The following ACBD6 variants were observed in gnomAD, a reference collection of about 807,000 sequenced individuals.
The protein encoded by ACBD6 is acyl-CoA-binding domain-containing protein 6.
A neutral mutation model predicts 37.2 loss-of-function variants in ACBD6; 28 were observed. The ratio of observed to expected loss-of-function variants is 0.75; its 90% CI spans 0.56 to 1.03. ACBD6 has a LOEUF of 1.03. Ranked by LOEUF, ACBD6 falls within the 50% of genes least tolerant of loss-of-function variation. The pLI, the probability that ACBD6 is intolerant of heterozygous loss-of-function variation, is 0.00. For missense variants in ACBD6, 340 were observed against 337.4 expected (o/e 1.01, Z -0.06); for synonymous variants, 113 against 126.8 (o/e 0.89, Z 0.73).
At chr1:180,370,191 C>T (rs1057200780) in intron 6 of ACBD6, among the ~76,000 whole-genome samples, 2 of 152,062 alleles carry the variant, frequency 1.3e-5, no homozygotes, top group Non-Finnish European at 2.9e-5. Flanking sequence ...ACAGATTAAA[C>T]AAAGGATATC....
At chr1:180,446,997 C>T (rs956695104) in intron 3 of ACBD6, among the ~76,000 whole-genome samples, 1 of 152,032 alleles carries the variant, frequency 6.6e-6, no homozygotes, top group African/African-American at 2.4e-5. Context: ...GCTGAGATAA[C>T]CCCCGACAGT....
intron 6 of ACBD6, among the ~76,000 whole-genome samples, chr1:180,335,898 A>C (rs1382602280): frequency 1.8e-4 from 27 of 147,806 alleles, no homozygotes; most frequent in Admixed American, 7.5e-4. Flanking sequence ...ACCAACAAAG[A>C]TCAAAAGAGA....
intron 7 of ACBD6, among the ~76,000 whole-genome samples, chr1:180,308,351 T>A (rs555260528): frequency 1.3e-5 from 2 of 152,354 alleles, no homozygotes; most frequent in East Asian, 1.9e-4. Context: ...TAATTTTGGA[T>A]TGTGAACAAT....
chr1:180,303,484 G>A (rs1371087301), intron 7 of ACBD6, among the ~76,000 whole-genome samples: 3 of 150,808 alleles, frequency 2.0e-5, no homozygotes, highest in Non-Finnish European at 4.4e-5. Context: ...ACACCTCTAC[G>A]CAAATAAACT....
chr1:180,277,288 T>G (rs1315714835), intron 9 of ACBD6: 2 of 152,262 alleles, frequency 1.3e-5, no homozygotes, highest in African/African-American at 4.8e-5. Flanking sequence ...CATTCATTAC[T>G]TTTAGCTTCT....
chr1:180,310,351 A>T lies in ACBD6; in HGVS notation c.694+4341T>A, dbSNP rs138690747. ...CTCTAGCCTGGGCGACAAGAGTGAA[A>T]CACTGACTCACAAACAAACAAACAA... On this transcript the variant is annotated intron_variant, in intron 7 of 7. Coordinates refer to ENST00000367595, the MANE Select transcript of ACBD6 (RefSeq NM_032360.4). Among the ~76,000 whole-genome samples, 874 of 152,264 alleles carry T rather than the reference A, an allele frequency of 5.7e-3. 7 individuals are homozygous for T. Among genetic ancestry groups the T allele is most frequent in the African/African-American group, 0.02 (828 of 41,552 alleles).
intron 6 of ACBD6, among the ~76,000 whole-genome samples, chr1:180,318,617 T>G (rs2149293320): frequency 6.6e-6 from 1 of 152,320 alleles, no homozygotes; most frequent in African/African-American, 2.4e-5. Flanking sequence ...CTTAGCGGGA[T>G]TTTTGAAAAC....
chr1:180,347,691 G>A, intron 6 of ACBD6, among the ~76,000 whole-genome samples: 1 of 152,148 alleles, frequency 6.6e-6, no homozygotes. Context: ...GAGGTTCTAG[G>A]CCGGGTGCGG....
chr1:180,277,278 C>T (rs1190388860), intron 9 of ACBD6: 6 of 152,226 alleles, frequency 3.9e-5, no homozygotes, highest in Non-Finnish European at 8.8e-5. Flanking sequence ...AAAAGCCGGG[C>T]ATTCATTACT....
chr1:180,314,549 AC>A, intron 7 of ACBD6, 142 bp downstream of exon 7: 1 of 672,474 alleles, frequency 1.5e-6, no homozygotes, highest in Non-Finnish European at 2.6e-6. Context: ...CCGGCCTAAT[AC>A]ATTTTTTTGA....
At chr1:180,379,106 T>C (rs568173177) in intron 6 of ACBD6, among the ~76,000 whole-genome samples, 38 of 152,178 alleles carry the variant, frequency 2.5e-4, no homozygotes, top group Non-Finnish European at 4.0e-4. Context: ...AAAACTTCAC[T>C]AACAACTGTA....
intron 3 of ACBD6, chr1:180,434,949 GTCAT>G (rs1430700859): frequency 2.5e-6 from 2 of 795,854 alleles, no homozygotes; most frequent in Non-Finnish European, 4.6e-6. Flanking sequence ...GACCACCAAA[GTCAT>G]GGGCAGTCTG....
chr1:180,478,676 G>A (rs1018369606), intron 3 of ACBD6, among the ~76,000 whole-genome samples: 3 of 152,064 alleles, frequency 2.0e-5, no homozygotes, highest in Admixed American at 6.6e-5. Flanking sequence ...TAGAGACGGG[G>A]TTTCACCATG....
intron 6 of ACBD6, among the ~76,000 whole-genome samples, chr1:180,393,875 C>T (rs141117756): frequency 9.9e-5 from 15 of 152,270 alleles, no homozygotes; most frequent in African/African-American, 2.4e-4. Context: ...CTAACAGATC[C>T]GTCCTAAAAA....
At chr1:180,413,917 T>C (rs1647968940) in intron 4 of ACBD6, among the ~76,000 whole-genome samples, 1 of 152,100 alleles carries the variant, frequency 6.6e-6, no homozygotes. Flanking sequence ...ACTTTACAAA[T>C]GAAAAAACAG....
At chr1:180,324,361 C>G (rs557665762) in intron 6 of ACBD6, among the ~76,000 whole-genome samples, 1 of 151,664 alleles carries the variant, frequency 6.6e-6, no homozygotes, top group South Asian at 2.1e-4. Flanking sequence ...TAATGTATTG[C>G]TTTTTATTTT....
At chr1:180,336,734 T>G (rs1651736788) in intron 6 of ACBD6, among the ~76,000 whole-genome samples, 2 of 150,918 alleles carry the variant, frequency 1.3e-5, no homozygotes, top group Non-Finnish European at 3.0e-5. Context: ...GCTGGTTTTT[T>G]GAAAAAAAAT....
At chr1:180,334,739 T>C (rs980200580) in intron 6 of ACBD6, among the ~76,000 whole-genome samples, 2 of 151,926 alleles carry the variant, frequency 1.3e-5, no homozygotes, top group Non-Finnish European at 2.9e-5. Flanking sequence ...TGCAAACCCA[T>C]GGCAAAGAAG....
chr1:180,427,815 G>A (rs1350904656), intron 4 of ACBD6, among the ~76,000 whole-genome samples: 1 of 151,660 alleles, frequency 6.6e-6, no homozygotes. Flanking sequence ...AGCTACTCAG[G>A]AGGCTGAGGC....
Sources: allele counts gnomAD v4.1 joint callset (sites outside exome capture counted in the v4.1 genomes callset), GRCh38; gene constraint gnomAD v4.1.1; transcripts MANE v1.5; gene names NCBI Gene and HGNC (gene_info 2026-07-23, HGNC 2026-07-21).